Variants in AFF2 observed in about 807,000 individuals in gnomAD.
The protein encoded by AFF2 is AF4/FMR2 family member 2.
AFF2 carries 14 observed loss-of-function variants against 76.9 expected under a neutral mutation model. The ratio of observed to expected loss-of-function variants is 0.18; its 90% CI spans 0.12 to 0.28. The LOEUF (loss-of-function observed/expected upper bound fraction) is 0.28. AFF2 is among the 10% of genes least tolerant of loss of function. The pLI, the probability that AFF2 is intolerant of heterozygous loss-of-function variation, is 1.00. For missense variants in AFF2, 868 were observed against 1,001.1 expected (o/e 0.87, Z 1.79); for synonymous variants, 398 against 366.7 (o/e 1.09, Z -0.98).
At chrX:148,680,669 G>A (rs782647363) in intron 3 of AFF2, among the ~76,000 whole-genome samples, 1 of 111,757 alleles carries the variant, frequency 8.9e-6, no homozygotes, top group South Asian at 3.7e-4. Flanking sequence ...CATCTAGCAG[G>A]ACAATTTTGA....
chrX:148,558,291 G>A (rs896419709), intron 1 of AFF2, among the ~76,000 whole-genome samples: 6 of 111,237 alleles, frequency 5.4e-5, no homozygotes, highest in Non-Finnish European at 9.4e-5. Context: ...TTGTGCGGGC[G>A]AGTGGCTCTT....
intron 3 of AFF2, among the ~76,000 whole-genome samples, chrX:148,708,451 C>CA (rs2054914403): frequency 9.0e-6 from 1 of 111,591 alleles, no homozygotes; most frequent in East Asian, 2.8e-4. Flanking sequence ...ATATAAGCAA[C>CA]AAAAAAATCC....
At chrX:148,915,040 A>G (rs1378733758) in intron 9 of AFF2, among the ~76,000 whole-genome samples, 1 of 112,391 alleles carries the variant, frequency 8.9e-6, no homozygotes, top group African/African-American at 3.2e-5. Flanking sequence ...TCAGTTGACT[A>G]CTAGTTTGGG....
At chrX:148,575,219 ATAAT>A (rs1367997052) in intron 1 of AFF2, among the ~76,000 whole-genome samples, 2 of 111,350 alleles carry the variant, frequency 1.8e-5, no homozygotes, top group African/African-American at 6.5e-5. Flanking sequence ...GATGGAAAGA[ATAAT>A]TAATAATAAA....
At chrX:148,603,467 T>G (rs868957772) in intron 1 of AFF2, among the ~76,000 whole-genome samples, 3 of 94,132 alleles carry the variant, frequency 3.2e-5, no homozygotes, top group African/African-American at 7.7e-5. Flanking sequence ...TTTTTTTTTT[T>G]CCCCCATCAT....
chrX:148,636,820 C>T (rs868982759), intron 1 of AFF2, among the ~76,000 whole-genome samples: 4 of 110,227 alleles, frequency 3.6e-5, no homozygotes, highest in Non-Finnish European at 7.6e-5. Flanking sequence ...AAAAAAAAAA[C>T]CAGACATAAA....
intron 1 of AFF2, among the ~76,000 whole-genome samples, chrX:148,616,023 C>T (rs1421095859): frequency 8.9e-6 from 1 of 111,819 alleles, no homozygotes; most frequent in African/African-American, 3.2e-5. Context: ...CATAGAAAAT[C>T]AGTCTAAGAA....
chrX:148,649,257 T>C (rs901084576), intron 1 of AFF2, among the ~76,000 whole-genome samples: 1 of 112,130 alleles, frequency 8.9e-6, no homozygotes, highest in South Asian at 3.7e-4. Context: ...AACAAGAGGC[T>C]AAATACATAG....
At chrX:148,529,816 A>G (rs1324660315) in intron 1 of AFF2, among the ~76,000 whole-genome samples, 1 of 111,883 alleles carries the variant, frequency 8.9e-6, no homozygotes, top group Non-Finnish European at 1.9e-5. Flanking sequence ...TGTAACGATT[A>G]TTAAAACAAA....
chrX:148,742,446 T>C (rs2055367373), intron 3 of AFF2, among the ~76,000 whole-genome samples: 1 of 111,575 alleles, frequency 9.0e-6, no homozygotes, highest in Non-Finnish European at 1.9e-5. Context: ...ATGTATGAGT[T>C]TGTAGGAGGT....
At chrX:148,774,266 A>G (rs1233599265) in intron 3 of AFF2, among the ~76,000 whole-genome samples, 1 of 112,104 alleles carries the variant, frequency 8.9e-6, no homozygotes, top group Non-Finnish European at 1.9e-5. Flanking sequence ...CGCAAGAGGA[A>G]AGAGACATAC....
intron 3 of AFF2, among the ~76,000 whole-genome samples, chrX:148,750,061 G>A (rs1165867214): frequency 1.8e-5 from 2 of 109,446 alleles, no homozygotes; most frequent in African/African-American, 6.7e-5. Context: ...TCCGTTCCCC[G>A]GGTTCAAGTG....
At chrX:148,609,413 C>G in intron 1 of AFF2, among the ~76,000 whole-genome samples, 1 of 111,382 alleles carries the variant, frequency 9.0e-6, no homozygotes, top group Non-Finnish European at 1.9e-5. Context: ...CACCTGCCTT[C>G]TGTTCTAGTT....
intron 3 of AFF2, among the ~76,000 whole-genome samples, chrX:148,800,719 T>TC (rs1211810141): frequency 2.7e-5 from 3 of 111,744 alleles, no homozygotes; most frequent in Non-Finnish European, 5.6e-5. Flanking sequence ...ACTTTTTTTT[T>TC]CCCATGAGGA....
At chrX:148,893,236 C>T (rs1456270004) in intron 8 of AFF2, among the ~76,000 whole-genome samples, 2 of 111,403 alleles carry the variant, frequency 1.8e-5, no homozygotes, top group Non-Finnish European at 3.8e-5. Flanking sequence ...CTTCATATTC[C>T]CAAGATTGTA....
At chrX:148,728,370 G>A (rs1557264408) in intron 3 of AFF2, among the ~76,000 whole-genome samples, 1 of 112,236 alleles carries the variant, frequency 8.9e-6, no homozygotes, top group African/African-American at 3.2e-5. Flanking sequence ...GCAGACGATG[G>A]GTGGGTTTAT....
intron 20 of AFF2, among the ~76,000 whole-genome samples, chrX:148,988,483 G>A (rs1344013577): frequency 1.8e-5 from 2 of 111,853 alleles, no homozygotes; most frequent in East Asian, 5.6e-4. Flanking sequence ...AATTAAATCT[G>A]TGAGCTGCTT....
At chrX:148,787,098 T>C (rs782075059) in intron 3 of AFF2, among the ~76,000 whole-genome samples, 176 of 112,759 alleles carry the variant, frequency 1.6e-3, no homozygotes, top group Admixed American at 3.6e-3. Context: ...AAATAATGTC[T>C]GTAGGAGTGA....
intron 9 of AFF2, among the ~76,000 whole-genome samples, chrX:148,951,360 T>G (rs932728514): frequency 9.0e-6 from 1 of 111,492 alleles, no homozygotes; most frequent in East Asian, 2.8e-4. Flanking sequence ...TGCTAAAAAA[T>G]TATCTAGTAA....
Sources: allele counts gnomAD v4.1 joint callset (sites outside exome capture counted in the v4.1 genomes callset), GRCh38; gene constraint gnomAD v4.1.1; transcripts MANE v1.5; gene names NCBI Gene and HGNC (gene_info 2026-07-23, HGNC 2026-07-21).